Variants in DDAH1 observed in about 807,000 individuals in gnomAD.
DDAH1 encodes the protein N(G),N(G)-dimethylarginine dimethylaminohydrolase 1.
DDAH1 carries 19 observed loss-of-function variants against 28.8 expected under a neutral mutation model. That is an observed-to-expected ratio of 0.66 (90% CI 0.46 to 0.97). The LOEUF is 0.97. Among genes scored for constraint, DDAH1 ranks in the 50% least tolerant of loss-of-function variants. The pLI, the probability that DDAH1 is intolerant of heterozygous loss-of-function variation, is 0.00. For missense variants in DDAH1, 326 were observed against 375.9 expected (o/e 0.87, Z 1.10); for synonymous variants, 153 against 154.4 (o/e 0.99, Z 0.07).
intron 1 of DDAH1, among the ~76,000 whole-genome samples, chr1:85,550,771 T>C (rs1402482315): frequency 6.6e-6 from 1 of 151,762 alleles, no homozygotes; most frequent in Non-Finnish European, 1.5e-5. Context: ...ACACACACCA[T>C]TTAGAGGCTC....
chr1:85,369,522 C>A (rs966733764), intron 1 of DDAH1, among the ~76,000 whole-genome samples: 6 of 152,140 alleles, frequency 3.9e-5, no homozygotes, highest in Admixed American at 6.5e-5. Flanking sequence ...TTCTAAAAAC[C>A]CGCAGGTGAG....
intron 1 of DDAH1, among the ~76,000 whole-genome samples, chr1:85,454,274 T>C (rs957468057): frequency 6.6e-6 from 1 of 152,202 alleles, no homozygotes; most frequent in African/African-American, 2.4e-5. Context: ...GCTGACAATC[T>C]TCCCCCTCTT....
chr1:85,511,779 C>T (rs1209430160), intron 1 of DDAH1, among the ~76,000 whole-genome samples: 2 of 152,210 alleles, frequency 1.3e-5, no homozygotes, highest in Non-Finnish European at 2.9e-5. Context: ...GACACATACA[C>T]TCTCCCAAGA....
intron 1 of DDAH1, among the ~76,000 whole-genome samples, chr1:85,541,760 C>T (rs1658478617): frequency 6.6e-6 from 1 of 151,948 alleles, no homozygotes. Context: ...AAGTTGGAGC[C>T]CTCATAAATC....
chr1:85,535,977 G>A (rs555401498), intron 1 of DDAH1, among the ~76,000 whole-genome samples: 17 of 152,202 alleles, frequency 1.1e-4, no homozygotes, highest in African/African-American at 3.9e-4. Flanking sequence ...TCAAAACCAC[G>A]AGGCCGGGTG....
At chr1:85,491,666 C>T (rs1018444514) in intron 2 of DDAH1, among the ~76,000 whole-genome samples, 1 of 152,184 alleles carries the variant, frequency 6.6e-6, no homozygotes, top group African/African-American at 2.4e-5. Flanking sequence ...TTTGTGTGAT[C>T]AAGTTGGAAT....
intron 1 of DDAH1, among the ~76,000 whole-genome samples, chr1:85,512,892 G>C (rs1054974453): frequency 4.6e-5 from 7 of 152,158 alleles, no homozygotes; most frequent in Non-Finnish European, 1.0e-4. Flanking sequence ...TCATGGATAG[G>C]AAGAATCAAT....
chr1:85,557,078 T>C (rs949546660), intron 1 of DDAH1, among the ~76,000 whole-genome samples: 1 of 152,052 alleles, frequency 6.6e-6, no homozygotes, highest in African/African-American at 2.4e-5. Context: ...GATCATACCA[T>C]TGTACTCCAG....
rs1280578731 is a variant in DDAH1 at position 85,457,846 on chromosome 1, C to T, written c.303+6897G>A. Among the ~76,000 whole-genome samples, 8 of 152,046 alleles carry T rather than the reference C, an allele frequency of 5.3e-5. No individual in the cohort carries two copies. In the East Asian group the frequency reaches 9.7e-4, roughly 18 times the overall value. ...CTGGGACTACAGGCGCCTGCCAGCA[C>T]GCCCAGCTAATTTTTGTATTTTTAG... On this transcript the variant is annotated intron_variant, in intron 1 of 5. Transcript: ENST00000284031.
At chr1:85,509,507 AG>A (rs924566919) in intron 1 of DDAH1, among the ~76,000 whole-genome samples, 2 of 152,240 alleles carry the variant, frequency 1.3e-5, no homozygotes, top group African/African-American at 4.8e-5. Context: ...TGACAGAAGT[AG>A]GCTTCAGAAG....
At chr1:85,469,214 C>G (rs1381204575), upstream of DDAH1, among the ~76,000 whole-genome samples, 1 of 152,180 alleles carries the variant, frequency 6.6e-6, no homozygotes, top group African/African-American at 2.4e-5. Context: ...GTTGGGGAAA[C>G]AGCTAGCTGG....
chr1:85,520,787 G>A (rs1171629529), intron 1 of DDAH1, among the ~76,000 whole-genome samples: 1 of 152,188 alleles, frequency 6.6e-6, no homozygotes, highest in African/African-American at 2.4e-5. Context: ...AAATTCTGAA[G>A]AGCTGTAAAA....
chr1:85,441,228 A>G (rs897734468), intron 1 of DDAH1, among the ~76,000 whole-genome samples: 2 of 152,196 alleles, frequency 1.3e-5, no homozygotes, highest in Non-Finnish European at 2.9e-5. Flanking sequence ...GATTACATAC[A>G]GTATTGAGAA....
At chr1:85,460,890 C>A (rs1655095692) in intron 1 of DDAH1, among the ~76,000 whole-genome samples, 1 of 152,208 alleles carries the variant, frequency 6.6e-6, no homozygotes, top group Admixed American at 6.5e-5. Context: ...AAAATTCAAT[C>A]CTCACACCCT....
intron 1 of DDAH1, among the ~76,000 whole-genome samples, chr1:85,539,138 CTTTCT>C (rs1419956887): frequency 1.1e-3 from 174 of 151,826 alleles, no homozygotes; most frequent in Non-Finnish European, 2.0e-3. Flanking sequence ...ATTTCTTTTT[CTTTCT>C]TTTCTTTTCT....
intron 1 of DDAH1, among the ~76,000 whole-genome samples, chr1:85,362,929 C>T (rs1217033956): frequency 6.6e-5 from 10 of 152,070 alleles, no homozygotes; most frequent in Non-Finnish European, 8.8e-5. Context: ...TGCAAAATCT[C>T]CCTCAAACCT....
chr1:85,477,562 C>T (rs889525758), intron 2 of DDAH1, among the ~76,000 whole-genome samples: 1 of 152,042 alleles, frequency 6.6e-6, no homozygotes, highest in African/African-American at 2.4e-5. Context: ...GATTAACTCA[C>T]ACCAAGATTA....
At chr1:85,577,155 C>A (rs934685607) in intron 1 of DDAH1, among the ~76,000 whole-genome samples, 6 of 152,202 alleles carry the variant, frequency 3.9e-5, no homozygotes, top group Middle Eastern at 3.4e-3. Context: ...GCCGGGCAGG[C>A]GCGTCCGGAT....
chr1:85,543,953 T>C (rs1658544635), intron 1 of DDAH1, among the ~76,000 whole-genome samples: 1 of 152,166 alleles, frequency 6.6e-6, no homozygotes, highest in Non-Finnish European at 1.5e-5. Context: ...TGGAAATACA[T>C]GATTAAAGAC....
Sources: gnomAD v4.1 joint callset for allele counts (sites outside exome capture counted in the v4.1 genomes callset) on GRCh38, gnomAD v4.1.1 for gene constraint, MANE v1.5 for transcripts, NCBI Gene and HGNC (gene_info 2026-07-23, HGNC 2026-07-21) for gene names.